CRTAP: variants seen among roughly 807,000 people sequenced by gnomAD.
CRTAP encodes the protein cartilage-associated protein.
CRTAP carries 33 observed loss-of-function variants against 42.7 expected under a neutral mutation model. That is an observed-to-expected ratio of 0.77 (90% CI 0.59 to 1.03). The LOEUF is 1.03. CRTAP is among the 50% of genes least tolerant of loss of function. CRTAP has a pLI of 0.00. For synonymous variants in CRTAP, 243 were observed against 217.7 expected (o/e 1.12, Z -1.02); for missense variants, 613 against 533.9 (o/e 1.15, Z -1.46).
In CRTAP at chr3:33,124,396, C is replaced by T; in HGVS notation, c.622-12C>T. ...CAAGAGCGAGCTTCACTGGCTTCTC[C>T]ATGCCTTTCAGAGCCTGTTCATCCG... On this transcript the variant is annotated splice_polypyrimidine_tract_variant and intron_variant, in intron 2 of 6. Transcript: ENST00000320954. 6.2e-7 allele frequency: 1 copy of T among 1,613,892 alleles called. No individual in the cohort carries two copies. Among genetic ancestry groups the T allele is most frequent in the Admixed American group, 1.7e-5 (1 of 60,028 alleles).
intron 3 of CRTAP, 84 bp from the exon 4 acceptor site, chr3:33,129,855 A>T: frequency 7.0e-7 from 1 of 1,431,328 alleles, no homozygotes. Context: ...TTTTTCTTTT[A>T]ACTTTTTCAT....
At chr3:33,128,158 A>G (rs549280505) in intron 3 of CRTAP, among the ~76,000 whole-genome samples, 7 of 152,244 alleles carry the variant, frequency 4.6e-5, no homozygotes, top group African/African-American at 1.7e-4. Flanking sequence ...ATATTATCTA[A>G]ATATCCATAG....
In CRTAP at chr3:33,145,125, T is replaced by C. The variant is rs374956331; in HGVS notation, c.*2677T>C. ...TATCCCCCAGAACACTCTACCAACC[T>C]CGGGGAACTCGGGCACATCCTTCTG... is the stretch of plus-strand genomic sequence containing the variant. On this transcript the variant is annotated 3_prime_UTR_variant, in exon 7 of 7. Coordinates refer to ENST00000320954, the MANE Select transcript of CRTAP (RefSeq NM_006371.5). The surrounding 1 kb of genome is among the most constrained non-coding windows in gnomAD (Gnocchi z 4.3). 1 of 152,366 alleles carries C rather than the reference T, an allele frequency of 6.6e-6. No individual in the cohort carries two copies. Among genetic ancestry groups the C allele is most frequent in the South Asian group, 2.1e-4 (1 of 4,828 alleles). 9.4% of individuals were successfully genotyped at this position (152,366 alleles called of 1,614,324 possible). A position where few individuals can be genotyped will look rare whatever the true frequency, so the allele number is the denominator to read the frequency against.
At chr3:33,120,740 AATT>A (rs1457455737) in intron 2 of CRTAP, among the ~76,000 whole-genome samples, 1 of 152,234 alleles carries the variant, frequency 6.6e-6, no homozygotes, top group Non-Finnish European at 1.5e-5. Flanking sequence ...ATGGTCATTT[AATT>A]ATTTAGTTTT....
chr3:33,142,503 T>A lies in CRTAP; in HGVS notation c.*55T>A. ...GCGTTCAGGAAACACAGATTCTTTG[T>A]CCTTTTCCCAACAGCCCAGGCTGTT... On this transcript the variant is annotated 3_prime_UTR_variant, in exon 7 of 7. Coordinates refer to ENST00000320954, the MANE Select transcript of CRTAP (RefSeq NM_006371.5). 1 of 1,567,080 alleles carries A rather than the reference T, an allele frequency of 6.4e-7. No individual in the cohort carries two copies. The highest frequency in any genetic ancestry group is 2.2e-5 in the East Asian group (1 of 44,590).
At chr3:33,127,786 G>T (rs1425173968) in intron 3 of CRTAP, among the ~76,000 whole-genome samples, 1 of 148,502 alleles carries the variant, frequency 6.7e-6, no homozygotes, top group Admixed American at 6.8e-5. Context: ...TCACTCTGTC[G>T]CCCAGGCTGG....
chr3:33,130,883 T>G (rs1479667566), intron 4 of CRTAP, among the ~76,000 whole-genome samples: 1 of 152,132 alleles, frequency 6.6e-6, no homozygotes, highest in Non-Finnish European at 1.5e-5. Context: ...TGGGAGTTTC[T>G]CAATCAGAAC....
chr3:33,139,436 C>A lies in CRTAP; in HGVS notation c.1153-2959C>A, dbSNP rs149318203. The stretch of plus-strand genomic sequence containing the variant: ...TAGCTGGGGGTTTTTTGTAGGTGCC[C>A]TTTATTAGGTTGAGGAAGTTCTATT... On this transcript the variant is annotated intron_variant, in intron 6 of 6. Coordinates refer to ENST00000320954, the MANE Select transcript of CRTAP (RefSeq NM_006371.5). Among the ~76,000 whole-genome samples, 3 of 151,296 alleles carry A rather than the reference C, an allele frequency of 2.0e-5. No individual in the cohort carries two copies. The East Asian group carries it at 5.8e-4, about 29-fold the overall frequency.
intron 4 of CRTAP, among the ~76,000 whole-genome samples, chr3:33,131,266 G>A (rs1362428933): frequency 7.2e-6 from 1 of 138,286 alleles, no homozygotes. Flanking sequence ...TTTTTTTTGC[G>A]GGGGGGGGTT....
Position 33,114,090 on chromosome 3 carries a change from C to A in CRTAP, c.13C>A (p.Arg5Ser), listed in dbSNP as rs758652009. The A allele has an allele frequency of 1.4e-4, 201 of 1,461,102 alleles. No homozygotes were observed. The highest frequency in any genetic ancestry group is 1.7e-4 in the Non-Finnish European group (189 of 1,113,712). The allele number at this position is 1,461,102 out of a possible 1,614,324, so 90.5% of individuals were successfully genotyped here. A position where few individuals can be genotyped will look rare whatever the true frequency, so the allele number is the denominator to read the frequency against. Residue 5 changes from arginine to serine, a missense_variant, in exon 1 of 7, where the codon CGC (arginine) becomes AGC (serine). Transcript: ENST00000320954. Reference sequence around the variant, plus strand: ...TTCGCCGGGCGCGATGGAGCCGGGGCGCCGGGGGGCCGCGGCGCTGCTAGC... The same window carrying A: ...TTCGCCGGGCGCGATGGAGCCGGGGAGCCGGGGGGCCGCGGCGCTGCTAGC... MEPG[R>S]RGAAALLALL...
In CRTAP at chr3:33,134,301, C is replaced by A. The variant is rs4234239; in HGVS notation, c.1152+36C>A. 1,129,349 of 1,348,970 alleles carry A rather than the reference C, an allele frequency of 0.84. 473,724 individuals carry two copies. Among genetic ancestry groups the A allele is most frequent in the East Asian group, 0.97 (42,361 of 43,670 alleles). The allele number at this position is 1,348,970 out of a possible 1,614,324, so 83.6% of individuals were successfully genotyped here. On this transcript the variant is annotated intron_variant, in intron 6 of 6. Transcript: ENST00000320954. ...ATGCTTAGCACATGTCTGGTGGCTA[C>A]GAGAAAATATTACTCACATCTTTGC...
chr3:33,122,429 G>A (rs2125599487), intron 2 of CRTAP, among the ~76,000 whole-genome samples: 1 of 152,052 alleles, frequency 6.6e-6, no homozygotes, highest in East Asian at 1.9e-4. Flanking sequence ...TCCACCCTCG[G>A]CCAGGCGCGG....
intron 5 of CRTAP, among the ~76,000 whole-genome samples, chr3:33,133,470 G>T (rs545475609): frequency 6.6e-6 from 1 of 151,126 alleles, no homozygotes; most frequent in African/African-American, 2.4e-5. Flanking sequence ...GGCTAGTCTC[G>T]AACTCCTGGC....
intron 3 of CRTAP, among the ~76,000 whole-genome samples, chr3:33,126,729 T>G (rs1170541581): frequency 6.6e-6 from 1 of 152,226 alleles, no homozygotes; most frequent in South Asian, 2.1e-4. Flanking sequence ...TAACAACATA[T>G]GCCCAAGGTA....
rs1437997214 is a variant in CRTAP at position 33,130,054 on chromosome 3, T to C, written c.909T>C (p.Phe303=). The part of the protein sequence containing the change: ...FVATMYHYLQ[F]AYYKLNDLKN... ...CTACCATGTATCATTACTTGCAGTT[T>C]GCCTATTATAAGTGTAAGTAATCTT... The change falls in exon 4 of 7, where the codon TTT becomes TTC. Residue 303 remains phenylalanine (F), a synonymous_variant. Coordinates refer to ENST00000320954, the MANE Select transcript of CRTAP (RefSeq NM_006371.5). The C allele has an allele frequency of 6.2e-7, 1 of 1,613,818 alleles. No individual in the cohort carries two copies. Among genetic ancestry groups the C allele is most frequent in the Non-Finnish European group, 8.5e-7 (1 of 1,179,762 alleles).
At chr3:33,132,926 A>C (rs2030311483) in intron 5 of CRTAP, among the ~76,000 whole-genome samples, 1 of 152,014 alleles carries the variant, frequency 6.6e-6, no homozygotes, top group Non-Finnish European at 1.5e-5. Flanking sequence ...AAACATACAA[A>C]AATTAGCCAG....
intron 6 of CRTAP, among the ~76,000 whole-genome samples, chr3:33,139,724 T>TG (rs1382958108): frequency 9.2e-5 from 14 of 152,174 alleles, no homozygotes; most frequent in Non-Finnish European, 1.5e-4. Context: ...GTGATCAACT[T>TG]GCCTTGGCCT....
intron 1 of CRTAP, 135 bp downstream of exon 1, chr3:33,114,683 A>G (rs1180401603): frequency 7.8e-6 from 6 of 773,074 alleles, no homozygotes; most frequent in Non-Finnish European, 1.2e-5. Context: ...CAGCCCTGCC[A>G]AAGGTCTCCT....
intron 1 of CRTAP, among the ~76,000 whole-genome samples, chr3:33,118,199 T>C (rs1036231923): frequency 1.3e-5 from 2 of 151,970 alleles, no homozygotes; most frequent in South Asian, 4.2e-4. Context: ...GACCTCGTGA[T>C]CCACCCACCT....
Sources: gnomAD v4.1 joint callset for allele counts (sites outside exome capture counted in the v4.1 genomes callset) on GRCh38, gnomAD v4.1.1 for gene constraint, Gnocchi (gnomAD v3.1) non-coding constraint, MANE v1.5 for transcripts, NCBI Gene and HGNC (gene_info 2026-07-23, HGNC 2026-07-21) for gene names.